The following COL4A6 variants were observed in gnomAD, a reference collection of about 807,000 sequenced individuals.
COL4A6 encodes collagen alpha-6(IV) chain.
A neutral mutation model predicts 126.7 loss-of-function variants in COL4A6; 59 were observed. The observed-to-expected ratio is 0.47, with a 90% CI of 0.38 to 0.58. The LOEUF (loss-of-function observed/expected upper bound fraction) is 0.58, where lower values mean the gene tolerates loss of function less well. COL4A6 is among the 20% of genes least tolerant of loss of function. The probability of loss-of-function intolerance (pLI) is 0.00; values close to 1 mark genes in which losing one functional copy is unlikely to be tolerated. For synonymous variants in COL4A6, 547 were observed against 496.6 expected, an observed-to-expected ratio of 1.10 and a Z score of -1.35; for missense variants, 1,285 against 1,337.3, an observed-to-expected ratio of 0.96 and a Z score of 0.61.
intron 2 of COL4A6, among the ~76,000 whole-genome samples, chrX:108,425,733 AAC>A (rs752707988): frequency 0.044 from 3,935 of 89,939 alleles, 63 homozygotes; most frequent in Non-Finnish European, 0.067. Flanking sequence ...CACACACACA[AAC>A]ACACACACAC....
intron 23 of COL4A6, among the ~76,000 whole-genome samples, chrX:108,186,466 G>A (rs1490719081): frequency 1.8e-5 from 2 of 112,202 alleles, no homozygotes; most frequent in African/African-American, 6.5e-5. Context: ...AGAAGTTGTG[G>A]AAACCCAAAA....
At chrX:108,253,761 C>T (rs1040871011) in intron 3 of COL4A6, among the ~76,000 whole-genome samples, 1 of 111,845 alleles carries the variant, frequency 8.9e-6, no homozygotes, top group African/African-American at 3.2e-5. Flanking sequence ...TCCATAACCC[C>T]TAGTTCTTTC....
chrX:108,266,199 T>C (rs952087530), intron 3 of COL4A6, among the ~76,000 whole-genome samples: 2 of 111,524 alleles, frequency 1.8e-5, no homozygotes, highest in African/African-American at 6.5e-5. Flanking sequence ...GTGCTTCCTT[T>C]TCCTTGGTGG....
chrX:108,216,865 G>T (rs1184409849), intron 5 of COL4A6, among the ~76,000 whole-genome samples: 1 of 112,760 alleles, frequency 8.9e-6, no homozygotes, highest in Admixed American at 9.3e-5. Context: ...AAGTCTCCAG[G>T]CAGGGAACTA....
chrX:108,275,708 G>C (rs1481110565), intron 3 of COL4A6, among the ~76,000 whole-genome samples: 3 of 112,929 alleles, frequency 2.7e-5, no homozygotes, highest in African/African-American at 9.6e-5. Flanking sequence ...TGAAAGAAGA[G>C]GGGATGCAAT....
intron 2 of COL4A6, among the ~76,000 whole-genome samples, chrX:108,414,846 T>G (rs1019243293): frequency 9.0e-6 from 1 of 111,119 alleles, no homozygotes; most frequent in Non-Finnish European, 1.9e-5. Flanking sequence ...ACAGCAGCAC[T>G]GGTGAAAACA....
intron 2 of COL4A6, among the ~76,000 whole-genome samples, chrX:108,337,502 A>G (rs182976607): frequency 1.8e-5 from 2 of 113,159 alleles, no homozygotes; most frequent in African/African-American, 3.2e-5. Flanking sequence ...AAATCAGATG[A>G]GTTCTTGCTC....
At chrX:108,288,354 G>A (rs2038061427) in intron 3 of COL4A6, among the ~76,000 whole-genome samples, 1 of 111,866 alleles carries the variant, frequency 8.9e-6, no homozygotes, top group Non-Finnish European at 1.9e-5. Context: ...TCCAGCTGGT[G>A]CCAGTTGACA....
chrX:108,261,802 A>G (rs2037170686), intron 3 of COL4A6, among the ~76,000 whole-genome samples: 1 of 111,885 alleles, frequency 8.9e-6, no homozygotes, highest in Non-Finnish European at 1.9e-5. Flanking sequence ...ATCTATAAAT[A>G]TTTAACCAAA....
At chrX:108,180,736 C>A in intron 24 of COL4A6, 114 bp from the exon 25 acceptor site, 1 of 756,076 alleles carries the variant, frequency 1.3e-6, no homozygotes, top group South Asian at 2.4e-5. Context: ...TGTCTCACCT[C>A]CCCACACTGC....
intron 16 of COL4A6, 33 bp from the exon 17 acceptor site, chrX:108,193,730 T>C (rs775914123): frequency 1.1e-5 from 12 of 1,091,875 alleles, no homozygotes; most frequent in Non-Finnish European, 1.5e-5. Context: ...ACACAAATAT[T>C]TCCATTTCCT....
upstream of COL4A6, chrX:108,439,266 T>C (rs1603240546): frequency 5.4e-6 from 2 of 372,473 alleles, no homozygotes; most frequent in East Asian, 5.0e-5. Flanking sequence ...CATAATACCA[T>C]AGAATAATTA....
rs181304112 is a variant in COL4A6 at position 108,374,440 on chromosome X, T to G, written c.63+63502A>C. On this transcript the variant is annotated intron_variant, in intron 2 of 44. Transcript: ENST00000334504. ...AACCACGGAAGAAATATTTAACACA[T>G]TTTTTAATGCTCATAAACCACTAAC... 6.0e-3 allele frequency among the ~76,000 whole-genome samples: 678 copies of G among 112,246 alleles called. 2 individuals are homozygous for G. The highest frequency in any genetic ancestry group is 0.035 in the East Asian group (124 of 3,578).
chrX:108,175,676 A>T lies in COL4A6; in HGVS notation c.2808T>A (p.Arg936=), dbSNP rs4623610. 1 of 1,209,154 alleles carries T rather than the reference A, an allele frequency of 8.3e-7. No individual in the cohort carries two copies. The change falls in exon 29 of 45, where the codon CGT becomes CGA. Residue 936 remains arginine, a synonymous_variant. Transcript: ENST00000334504. ...CACCCTTTTCACCAGGAGTACCAGC[A>T]CGTCCAGATGGTCCCATTTTTCCAG... The part of the protein sequence containing the change: ...GSTGKMGPSG[R]AGTPGEKGDR...
At chrX:108,293,172 TA>T (rs1242277680) in intron 3 of COL4A6, among the ~76,000 whole-genome samples, 1 of 110,118 alleles carries the variant, frequency 9.1e-6, no homozygotes, top group African/African-American at 3.3e-5. Context: ...TGGTTGAGGG[TA>T]TGCATATTTG....
intron 2 of COL4A6, among the ~76,000 whole-genome samples, chrX:108,347,082 G>A (rs1603133178): frequency 2.7e-5 from 3 of 111,690 alleles, no homozygotes; most frequent in Admixed American, 1.9e-4. Context: ...TTTCCAACCC[G>A]CTAATTCCAG....
At chrX:108,388,813 G>T (rs1049085989) in intron 2 of COL4A6, among the ~76,000 whole-genome samples, 17 of 111,535 alleles carry the variant, frequency 1.5e-4, no homozygotes, top group African/African-American at 5.6e-4. Context: ...ATGTTAGTGT[G>T]TCGATTTTAG....
At chrX:108,382,052 C>G (rs767000763) in intron 2 of COL4A6, among the ~76,000 whole-genome samples, 10 of 111,724 alleles carry the variant, frequency 9.0e-5, no homozygotes, top group Non-Finnish European at 1.5e-4. Flanking sequence ...CACCTAGACT[C>G]TAACAGCAGT....
chrX:108,164,017 C>T (rs375234319), intron 40 of COL4A6, among the ~76,000 whole-genome samples: 62 of 111,437 alleles, frequency 5.6e-4, no homozygotes, highest in Middle Eastern at 4.6e-3. Flanking sequence ...TTGCGTGCCA[C>T]GGTGAGTTCA....
Sources: allele counts gnomAD v4.1 joint callset (sites outside exome capture counted in the v4.1 genomes callset), GRCh38; gene constraint gnomAD v4.1.1; transcripts MANE v1.5; gene names NCBI Gene and HGNC (gene_info 2026-07-23, HGNC 2026-07-21).